EFCAB8: variants seen among roughly 807,000 people sequenced by gnomAD.
EFCAB8 encodes EF-hand calcium binding domain 8.
In EFCAB8, 100 loss-of-function variants were observed where a neutral mutation model predicts 116.3. The observed-to-expected ratio is 0.86, with a 90% CI of 0.73 to 1.02. The LOEUF (loss-of-function observed/expected upper bound fraction) is 1.02, where lower values mean the gene tolerates loss of function less well. Ranked by LOEUF, EFCAB8 falls within the 50% of genes least tolerant of loss-of-function variation. The pLI is 0.00. For missense variants in EFCAB8, 1,320 were observed against 1,416.9 expected (o/e 0.93, Z 1.10); for synonymous variants, 558 against 567.9 (o/e 0.98, Z 0.25).
chr20:32,957,178 A>C (rs575230288), intron 23 of EFCAB8, among the ~76,000 whole-genome samples: 1 of 151,834 alleles, frequency 6.6e-6, no homozygotes, highest in Non-Finnish European at 1.5e-5. Context: ...TTTATTTAAC[A>C]TTATTTGTAA....
At chr20:32,868,412 A>C (rs1984529105) in intron 3 of EFCAB8, among the ~76,000 whole-genome samples, 4 of 152,206 alleles carry the variant, frequency 2.6e-5, no homozygotes, top group African/African-American at 9.6e-5. Context: ...TTCAAGCATT[A>C]TGTAGGTATT....
In EFCAB8 at chr20:32,915,569, C is replaced by T. The variant is rs138390793; in HGVS notation, c.1857-1732C>T. ...ATATTGAGGCTTTCTCTGCATCTGTCCTCTTTTCTTTCTAGGCCCTCACTG... is the reference window on the plus strand; with the variant it reads ...ATATTGAGGCTTTCTCTGCATCTGTTCTCTTTTCTTTCTAGGCCCTCACTG... On this transcript the variant is annotated intron_variant, in intron 17 of 26. Transcript: ENST00000400522. Among the ~76,000 whole-genome samples, 611 of 152,174 alleles carry T rather than the reference C, an allele frequency of 4.0e-3. 6 individuals are homozygous for T. Among genetic ancestry groups the T allele is most frequent in the African/African-American group, 0.014 (569 of 41,506 alleles).
intron 20 of EFCAB8, among the ~76,000 whole-genome samples, chr20:32,928,654 G>A (rs1421118582): frequency 6.6e-6 from 1 of 152,122 alleles, no homozygotes; most frequent in Non-Finnish European, 1.5e-5. Flanking sequence ...AATATCATCT[G>A]CAAACTTATA....
chr20:32,937,003 T>A (rs1020720708), intron 22 of EFCAB8, among the ~76,000 whole-genome samples: 2 of 152,142 alleles, frequency 1.3e-5, no homozygotes, highest in Non-Finnish European at 2.9e-5. Flanking sequence ...AGTGTACAGA[T>A]CTTTTAACTT....
At chr20:32,935,074 G>A (rs1988050246) in intron 22 of EFCAB8, among the ~76,000 whole-genome samples, 2 of 151,502 alleles carry the variant, frequency 1.3e-5, no homozygotes. Flanking sequence ...ATGATTAGTG[G>A]TGCTCAGCAT....
intron 23 of EFCAB8, among the ~76,000 whole-genome samples, chr20:32,945,591 A>G (rs1988569977): frequency 1.3e-5 from 2 of 152,118 alleles, no homozygotes; most frequent in Non-Finnish European, 2.9e-5. Context: ...ATATACCTCA[A>G]TTTCTTTAGC....
intron 3 of EFCAB8, among the ~76,000 whole-genome samples, chr20:32,875,268 C>T (rs998844628): frequency 1.3e-5 from 2 of 151,992 alleles, no homozygotes; most frequent in East Asian, 1.9e-4. Context: ...CAGAAGCGTC[C>T]GGAATTGGCC....
intron 2 of EFCAB8, among the ~76,000 whole-genome samples, chr20:32,865,822 A>C (rs1984371668): frequency 6.6e-6 from 1 of 151,386 alleles, no homozygotes; most frequent in African/African-American, 2.4e-5. Context: ...TTTGCTGCCT[A>C]GAAAGATGAC....
At chr20:32,901,758 G>A (rs1986439546) in intron 11 of EFCAB8, among the ~76,000 whole-genome samples, 1 of 152,238 alleles carries the variant, frequency 6.6e-6, no homozygotes, top group African/African-American at 2.4e-5. Context: ...TGTAATCTTA[G>A]CTCACTGCAA....
At chr20:32,941,410 T>A (rs1192027225) in intron 22 of EFCAB8, among the ~76,000 whole-genome samples, 2 of 149,982 alleles carry the variant, frequency 1.3e-5, no homozygotes, top group African/African-American at 4.9e-5. Flanking sequence ...TATGTTCACA[T>A]AAAATCTTGT....
intron 5 of EFCAB8, among the ~76,000 whole-genome samples, chr20:32,879,705 A>G (rs1600376168): frequency 6.6e-6 from 1 of 152,284 alleles, no homozygotes; most frequent in South Asian, 2.1e-4. Context: ...GGAAATAGCA[A>G]GGACGTTAGT....
At position 32,961,706 on chromosome 20, in the gene EFCAB8, T is replaced by A; in HGVS notation, c.*97T>A. 1 of 749,988 alleles carries A rather than the reference T, an allele frequency of 1.3e-6. No homozygotes were observed. Among genetic ancestry groups the A allele is most frequent in the Non-Finnish European group, 1.9e-6 (1 of 540,214 alleles). 46.5% of individuals were successfully genotyped at this position (749,988 alleles called of 1,614,324 possible). A position where few individuals can be genotyped will look rare whatever the true frequency, so the allele number is the denominator to read the frequency against. ...TATTCCCTACCAGACCCAGAGGATG[T>A]GGCTCTTCCCCCGGCCACCCCACTG... is the stretch of plus-strand genomic sequence containing the variant. On this transcript the variant is annotated 3_prime_UTR_variant, in exon 27 of 27. Transcript: ENST00000400522.
chr20:32,939,243 CCTT>C, intron 22 of EFCAB8, among the ~76,000 whole-genome samples: 1 of 123,954 alleles, frequency 8.1e-6, no homozygotes, highest in Admixed American at 8.2e-5. Flanking sequence ...TCCCTCCCTG[CCTT>C]CCTTCCTTCC....
At chr20:32,949,094 T>G (rs1461292195) in intron 23 of EFCAB8, among the ~76,000 whole-genome samples, 1 of 152,192 alleles carries the variant, frequency 6.6e-6, no homozygotes, top group Non-Finnish European at 1.5e-5. Context: ...TGGATTTTAC[T>G]AAAAAGAGTT....
chr20:32,954,669 T>A (rs915447250), intron 23 of EFCAB8, among the ~76,000 whole-genome samples: 5 of 152,242 alleles, frequency 3.3e-5, no homozygotes, highest in African/African-American at 1.2e-4. Flanking sequence ...AGCTCTATGA[T>A]CCATCTTCAA....
chr20:32,929,163 T>C (rs905878636), intron 20 of EFCAB8, among the ~76,000 whole-genome samples: 1 of 151,998 alleles, frequency 6.6e-6, no homozygotes, highest in African/African-American at 2.4e-5. Context: ...ATAATGTCTT[T>C]GTCTGACTTT....
At chr20:32,876,562 G>A (rs1285910413) in intron 4 of EFCAB8, among the ~76,000 whole-genome samples, 2 of 152,240 alleles carry the variant, frequency 1.3e-5, no homozygotes, top group South Asian at 2.1e-4. Context: ...ACAAATTGAT[G>A]TAGCAAAGAT....
At chr20:32,905,621 G>A (rs568964536) in intron 11 of EFCAB8, among the ~76,000 whole-genome samples, 11 of 152,038 alleles carry the variant, frequency 7.2e-5, no homozygotes, top group South Asian at 4.2e-4. Flanking sequence ...TTAGCCAGGC[G>A]TGGTGGTGTG....
At chr20:32,860,743 A>T (rs1600349298) in intron 1 of EFCAB8, among the ~76,000 whole-genome samples, 1 of 151,152 alleles carries the variant, frequency 6.6e-6, no homozygotes, top group African/African-American at 2.4e-5. Context: ...TTTTTTATTT[A>T]TTTATTTTTT....
Sources: allele counts gnomAD v4.1 joint callset (sites outside exome capture counted in the v4.1 genomes callset), GRCh38; gene constraint gnomAD v4.1.1; transcripts MANE v1.5; gene names NCBI Gene and HGNC (gene_info 2026-07-23, HGNC 2026-07-21).